C18orf63: variants seen among roughly 807,000 people sequenced by gnomAD.
C18orf63 encodes the protein uncharacterized protein C18orf63.
Under a neutral mutation model 75.3 loss-of-function variants are expected in C18orf63, and 50 were observed. The ratio of observed to expected loss-of-function variants is 0.66; its 90% CI spans 0.53 to 0.84. The LOEUF is 0.84. Among genes scored for constraint, C18orf63 ranks in the 40% least tolerant of loss-of-function variants. The probability of loss-of-function intolerance (pLI) is 0.00; values close to 1 mark genes in which losing one functional copy is unlikely to be tolerated. For missense variants in C18orf63, 732 were observed against 800.2 expected (o/e 0.91, Z 1.03); for synonymous variants, 232 against 267.6 (o/e 0.87, Z 1.30).
At chr18:74,328,856 C>T (rs934919404) in intron 5 of C18orf63, 139 bp from the exon 6 acceptor site, 23 of 479,188 alleles carry the variant, frequency 4.8e-5, no homozygotes, top group Admixed American at 1.6e-4. Flanking sequence ...CAGCTGTCAT[C>T]AGGTATTACT....
At chr18:74,338,427 A>C (rs1470426180) in intron 7 of C18orf63, among the ~76,000 whole-genome samples, 1 of 151,946 alleles carries the variant, frequency 6.6e-6, no homozygotes, top group Non-Finnish European at 1.5e-5. Flanking sequence ...AAATTAACAT[A>C]ATTAAAAAAA....
intron 4 of C18orf63, among the ~76,000 whole-genome samples, chr18:74,325,430 T>C (rs1180734549): frequency 1.3e-5 from 2 of 152,222 alleles, no homozygotes; most frequent in African/African-American, 2.4e-5. Flanking sequence ...ATTGAGATTA[T>C]TTTATGCTCC....
intron 3 of C18orf63, among the ~76,000 whole-genome samples, chr18:74,322,242 C>T (rs1418065977): frequency 1.3e-5 from 2 of 152,170 alleles, no homozygotes; most frequent in Admixed American, 6.5e-5. Flanking sequence ...CATACCCTCA[C>T]GAACACTGTA....
intron 2 of C18orf63, 94 bp downstream of exon 2, chr18:74,318,093 C>T (rs565619897): frequency 1.4e-6 from 1 of 717,454 alleles, no homozygotes; most frequent in Non-Finnish European, 2.0e-6. Context: ...AATACTCATT[C>T]ACTCAACTTG....
At chr18:74,326,081 A>G (rs1984202862) in intron 4 of C18orf63, among the ~76,000 whole-genome samples, 1 of 152,174 alleles carries the variant, frequency 6.6e-6, no homozygotes, top group Non-Finnish European at 1.5e-5. Flanking sequence ...GGTTTATGGG[A>G]TTTGTACAGC....
chr18:74,346,103 C>T lies in C18orf63; in HGVS notation c.978+2401C>T, dbSNP rs1984570932. 2.6e-5 allele frequency among the ~76,000 whole-genome samples: 4 copies of T among 151,972 alleles called. No homozygotes were observed. In the South Asian group the frequency reaches 8.3e-4, roughly 32 times the overall value. ...AATTTATCTCAATAATAGTTTATAA[C>T]TTTATGTATGGGAAGTCTTTTGTAC... On this transcript the variant is annotated intron_variant, in intron 11 of 13. Transcript: ENST00000579455.
intron 10 of C18orf63, 88 bp from the exon 11 acceptor site, chr18:74,343,431 C>A: frequency 1.3e-6 from 1 of 746,246 alleles, no homozygotes; most frequent in Non-Finnish European, 2.1e-6. Context: ...GCCTTTTTAA[C>A]ATTGCTACTT....
chr18:74,325,545 G>C (rs1396111953), intron 4 of C18orf63, among the ~76,000 whole-genome samples: 1 of 152,170 alleles, frequency 6.6e-6, no homozygotes, highest in East Asian at 1.9e-4. Flanking sequence ...GGTCACATTG[G>C]TTGATAGTGT....
intron 11 of C18orf63, among the ~76,000 whole-genome samples, chr18:74,352,582 C>T (rs1272529800): frequency 6.6e-6 from 1 of 152,158 alleles, no homozygotes. Context: ...ACACAGATAG[C>T]GCCTTCCCTG....
At chr18:74,342,686 T>C (rs1475740008) in intron 10 of C18orf63, among the ~76,000 whole-genome samples, 5 of 152,184 alleles carry the variant, frequency 3.3e-5, no homozygotes, top group African/African-American at 7.2e-5. Context: ...AAAGCTTAGG[T>C]TGTAAACAAA....
Position 74,357,998 on chromosome 18 carries a change from T to C in C18orf63, c.*1551T>C, listed in dbSNP as rs1984798196. ...GAGCACAGTCATCCACAGCATGTAA[T>C]CATTCCTAAAACCAGCCTTCCCCAC... On this transcript the variant is annotated 3_prime_UTR_variant, in exon 14 of 14. Coordinates refer to ENST00000579455, the MANE Select transcript of C18orf63 (RefSeq NM_001174123.2). 1.3e-5 allele frequency: 2 copies of C among 152,188 alleles called. No homozygotes were observed. The highest frequency in any genetic ancestry group is 2.4e-5 in the African/African-American group (1 of 41,450). The allele number at this position is 152,188 out of a possible 1,614,324, so 9.4% of individuals were successfully genotyped here.
Position 74,327,871 on chromosome 18 carries a change from A to G in C18orf63, c.271-76A>G, listed in dbSNP as rs75354463. On this transcript the variant is annotated intron_variant, in intron 4 of 13. Coordinates refer to ENST00000579455, the MANE Select transcript of C18orf63 (RefSeq NM_001174123.2). ...TTGTTGGGTGGTGATCTAAATGGGCAGTCATTTCCTATTAGTATATGCATA... is the reference window on the plus strand; with the variant it reads ...TTGTTGGGTGGTGATCTAAATGGGCGGTCATTTCCTATTAGTATATGCATA... The G allele has an allele frequency of 4.5e-3, 3,719 of 835,304 alleles. 14 individuals are homozygous for G. The highest frequency in any genetic ancestry group is 5.5e-3 in the Non-Finnish European group (2,863 of 518,296). The allele number at this position is 835,304 out of a possible 1,614,324, so 51.7% of individuals were successfully genotyped here.
intron 8 of C18orf63, among the ~76,000 whole-genome samples, chr18:74,341,270 C>CAAAAAAAAA (rs58362707): frequency 1.0e-4 from 6 of 59,004 alleles, no homozygotes; most frequent in Non-Finnish European, 1.4e-4. Context: ...GACTCCGTCT[C>CAAAAAAAAA]AAAAAAAAAA....
intron 8 of C18orf63, among the ~76,000 whole-genome samples, chr18:74,340,281 A>G (rs1322164625): frequency 6.6e-6 from 1 of 152,196 alleles, no homozygotes; most frequent in East Asian, 1.9e-4. Flanking sequence ...TCATCAGGGA[A>G]ATGCAAATTA....
chr18:74,354,301 A>G, intron 12 of C18orf63, 33 bp downstream of exon 12: 1 of 1,473,490 alleles, frequency 6.8e-7, no homozygotes, highest in African/African-American at 1.4e-5. Context: ...ACTACTTATC[A>G]TATGCTAGAC....
At chr18:74,349,055 A>G (rs1473015016) in intron 11 of C18orf63, among the ~76,000 whole-genome samples, 1 of 152,250 alleles carries the variant, frequency 6.6e-6, no homozygotes, top group Non-Finnish European at 1.5e-5. Context: ...CAAATAACTT[A>G]TATGAATCTG....
At position 74,352,972 on chromosome 18, in the gene C18orf63, G is replaced by C. The variant is rs113002722; in HGVS notation, c.979-274G>C. Among the ~76,000 whole-genome samples the C allele has an allele frequency of 8.4e-3, 1,283 of 152,228 alleles. 9 individuals are homozygous for C. Among genetic ancestry groups the C allele is most frequent in the Middle Eastern group, 0.014 (4 of 290 alleles). ...CATGTTTGGAGGACAGTGGGTAGCT[G>C]TGTGAATGGTTTTTATGGTAGATTT... On this transcript the variant is annotated intron_variant, in intron 11 of 13. Coordinates refer to ENST00000579455, the MANE Select transcript of C18orf63 (RefSeq NM_001174123.2).
At chr18:74,347,669 A>G (rs1429187837) in intron 11 of C18orf63, among the ~76,000 whole-genome samples, 1 of 152,228 alleles carries the variant, frequency 6.6e-6, no homozygotes, top group East Asian at 1.9e-4. Context: ...GACCATATAC[A>G]TGTTAACTCT....
intron 11 of C18orf63, among the ~76,000 whole-genome samples, chr18:74,349,494 C>T (rs1182186034): frequency 2.6e-5 from 4 of 152,034 alleles, no homozygotes; most frequent in Non-Finnish European, 5.9e-5. Context: ...AGCAGGAGAG[C>T]GAGCGAGCAT....
Sources: gnomAD v4.1 joint callset for allele counts (sites outside exome capture counted in the v4.1 genomes callset) on GRCh38, gnomAD v4.1.1 for gene constraint, MANE v1.5 for transcripts, NCBI Gene and HGNC (gene_info 2026-07-23, HGNC 2026-07-21) for gene names.